EPS15L1: variants seen among roughly 807,000 people sequenced by gnomAD.
EPS15L1 encodes the protein epidermal growth factor receptor substrate 15-like 1.
A neutral mutation model predicts 117.1 loss-of-function variants in EPS15L1; 43 were observed. The ratio of observed to expected loss-of-function variants is 0.37; its 90% CI spans 0.29 to 0.47. EPS15L1 has a LOEUF of 0.47. Ranked by LOEUF, EPS15L1 falls within the 20% of genes least tolerant of loss-of-function variation. The probability of loss-of-function intolerance (pLI) is 0.99; values close to 1 mark genes in which losing one functional copy is unlikely to be tolerated. For synonymous variants in EPS15L1, 459 were observed against 470.5 expected (o/e 0.98, Z 0.32); for missense variants, 981 against 1,164.0 (o/e 0.84, Z 2.29).
At chr19:16,382,255 G>A (rs562657194) in intron 21 of EPS15L1, among the ~76,000 whole-genome samples, 8 of 152,210 alleles carry the variant, frequency 5.3e-5, no homozygotes, top group South Asian at 2.1e-4. Context: ...CAGAATGCCC[G>A]CGTCATTTCC....
intron 22 of EPS15L1, among the ~76,000 whole-genome samples, chr19:16,363,673 G>A (rs1048156162): frequency 1.3e-5 from 2 of 152,140 alleles, no homozygotes; most frequent in South Asian, 2.1e-4. Context: ...TGAGAAGGAG[G>A]GCGCCAAACA....
At chr19:16,428,027 CCT>C (rs2092889663) in intron 8 of EPS15L1, among the ~76,000 whole-genome samples, 2 of 144,512 alleles carry the variant, frequency 1.4e-5, no homozygotes, top group Non-Finnish European at 3.0e-5. Context: ...ATGGTGAAAC[CCT>C]GTCTCTACTA....
intron 19 of EPS15L1, among the ~76,000 whole-genome samples, chr19:16,389,564 T>C (rs1358528960): frequency 6.6e-6 from 1 of 152,328 alleles, no homozygotes; most frequent in East Asian, 1.9e-4. Flanking sequence ...CAATCTTCAG[T>C]AACAAATGAA....
At chr19:16,451,991 T>C (rs938573094) in intron 1 of EPS15L1, among the ~76,000 whole-genome samples, 14 of 145,422 alleles carry the variant, frequency 9.6e-5, no homozygotes, top group African/African-American at 3.1e-4. Context: ...ACAAAAAAAT[T>C]AGCTGGGTGC....
intron 1 of EPS15L1, among the ~76,000 whole-genome samples, chr19:16,470,210 C>G (rs775748366): frequency 6.6e-6 from 1 of 151,190 alleles, no homozygotes; most frequent in African/African-American, 2.4e-5. Flanking sequence ...GGTGAAACCC[C>G]GTCTCCACTA....
chr19:16,451,915 T>C (rs759133910), intron 1 of EPS15L1, among the ~76,000 whole-genome samples: 12 of 150,122 alleles, frequency 8.0e-5, no homozygotes, highest in Non-Finnish European at 1.5e-4. Flanking sequence ...AGGCAGGCAG[T>C]TACCTGAGGC....
chr19:16,445,198 A>G (rs1414795716), intron 1 of EPS15L1, among the ~76,000 whole-genome samples: 2 of 152,246 alleles, frequency 1.3e-5, no homozygotes, highest in African/African-American at 4.8e-5. Flanking sequence ...CAAGGCCTGG[A>G]CTAATCCAGA....
At chr19:16,455,429 A>G (rs1340786838) in intron 1 of EPS15L1, among the ~76,000 whole-genome samples, 1 of 152,214 alleles carries the variant, frequency 6.6e-6, no homozygotes, top group Admixed American at 6.5e-5. Flanking sequence ...TCAGCATTCC[A>G]GAAACAGAAC....
chr19:16,458,082 G>C (rs190021089), intron 1 of EPS15L1, among the ~76,000 whole-genome samples: 198 of 152,206 alleles, frequency 1.3e-3, no homozygotes, highest in African/African-American at 4.7e-3. Flanking sequence ...CACTGCCCAG[G>C]ACTCGGTTGG....
At chr19:16,378,207 T>C (rs956247366) in intron 21 of EPS15L1, among the ~76,000 whole-genome samples, 1 of 151,686 alleles carries the variant, frequency 6.6e-6, no homozygotes, top group African/African-American at 2.4e-5. Flanking sequence ...TGCAGGTAGG[T>C]AGGTAGGTAG....
At chr19:16,385,422 C>T (rs967396975) in intron 20 of EPS15L1, among the ~76,000 whole-genome samples, 47 of 152,324 alleles carry the variant, frequency 3.1e-4, no homozygotes, top group African/African-American at 1.1e-3. Context: ...GACGACCACT[C>T]TGGGAGGGCC....
chr19:16,462,472 C>T lies in EPS15L1; in HGVS notation c.33+9441G>A, dbSNP rs905897039. Among the ~76,000 whole-genome samples the T allele has an allele frequency of 2.0e-5, 3 of 152,236 alleles. No individual in the cohort carries two copies. In the South Asian group the frequency reaches 6.2e-4, roughly 32 times the overall value. ...GGCCAGGAGTTCGAGACCAGCCTGG[C>T]CAACATGGTGAAACCCTGTCTCTAC... On this transcript the variant is annotated intron_variant, in intron 1 of 23. Coordinates refer to ENST00000455140, the MANE Select transcript of EPS15L1 (RefSeq NM_001258374.3).
At chr19:16,461,474 T>C (rs1160774219) in intron 1 of EPS15L1, among the ~76,000 whole-genome samples, 2 of 151,692 alleles carry the variant, frequency 1.3e-5, no homozygotes, top group African/African-American at 2.4e-5. Context: ...ATACAAAAAT[T>C]GGCAGGGTGT....
intron 1 of EPS15L1, among the ~76,000 whole-genome samples, chr19:16,465,206 C>T (rs956260392): frequency 5.9e-5 from 9 of 152,194 alleles, no homozygotes; most frequent in African/African-American, 2.2e-4. Context: ...TTGGCCTACA[C>T]CAAACACGCC....
chr19:16,434,531 C>T (rs201291280), intron 6 of EPS15L1, 41 bp from the exon 7 acceptor site: 48 of 1,597,628 alleles, frequency 3.0e-5, no homozygotes, highest in African/African-American at 1.3e-5. Flanking sequence ...GGAGAGCACA[C>T]CTGTGTGAAT....
At chr19:16,393,676 A>C (rs1021227340) in intron 18 of EPS15L1, among the ~76,000 whole-genome samples, 1 of 150,470 alleles carries the variant, frequency 6.6e-6, no homozygotes, top group African/African-American at 2.4e-5. Context: ...AAAATAAATA[A>C]ATAAATAAAT....
chr19:16,385,217 A>G lies in EPS15L1; in HGVS notation c.2165-6T>C, dbSNP rs760387729. On this transcript the variant is annotated splice_region_variant and splice_polypyrimidine_tract_variant and intron_variant, in intron 20 of 23. Transcript: ENST00000455140. ...ATCTAAGGTTCCAAAGGGATCTGCA[A>G]TCGGCACCAACAAAGTCAGAGTTAC... 14 of 1,613,468 alleles carry G rather than the reference A, an allele frequency of 8.7e-6. No homozygotes were observed. The highest frequency in any genetic ancestry group is 4.5e-5 in the East Asian group (2 of 44,894).
intron 5 of EPS15L1, 21 bp downstream of exon 5, chr19:16,437,749 T>C (rs2092992062): frequency 6.3e-7 from 1 of 1,586,828 alleles, no homozygotes. Flanking sequence ...GAATGTGAAC[T>C]TGAAGGACTT....
intron 16 of EPS15L1, 72 bp from the exon 17 acceptor site, chr19:16,395,539 C>T: frequency 1.4e-6 from 2 of 1,467,084 alleles, no homozygotes; most frequent in Non-Finnish European, 1.9e-6. Flanking sequence ...GAATTCCATA[C>T]TTAACTCACA....
Sources: gnomAD v4.1 joint callset for allele counts (sites outside exome capture counted in the v4.1 genomes callset) on GRCh38, gnomAD v4.1.1 for gene constraint, MANE v1.5 for transcripts, NCBI Gene and HGNC (gene_info 2026-07-23, HGNC 2026-07-21) for gene names.